TYW1B: variants seen among roughly 807,000 people sequenced by gnomAD.
TYW1B encodes the protein tRNA-yW synthesizing protein 1 homolog B, also known as S-adenosyl-L-methionine-dependent tRNA 4-demethylwyosine synthase TYW1B.
A neutral mutation model predicts 86.9 loss-of-function variants in TYW1B; 73 were observed. The ratio of observed to expected loss-of-function variants is 0.84; its 90% CI spans 0.70 to 1.02. The LOEUF is 1.02. TYW1B is among the 50% of genes least tolerant of loss of function. The pLI is 0.00. For synonymous variants in TYW1B, 248 were observed against 292.8 expected, an observed-to-expected ratio of 0.85 and a Z score of 1.56; for missense variants, 637 against 827.4, an observed-to-expected ratio of 0.77 and a Z score of 2.82.
chr7:72,796,757 C>A (rs1295314424), intron 6 of TYW1B, among the ~76,000 whole-genome samples: 1 of 150,362 alleles, frequency 6.7e-6, no homozygotes, highest in Non-Finnish European at 1.5e-5. Flanking sequence ...AGCCCTTTAT[C>A]ATAAGGAATG....
intron 8 of TYW1B, among the ~76,000 whole-genome samples, chr7:72,739,645 G>A (rs1304954348): frequency 7.4e-5 from 11 of 149,488 alleles, no homozygotes; most frequent in African/African-American, 2.7e-4. Flanking sequence ...GTTAACAAAG[G>A]TCTCAGTAGG....
At chr7:72,685,223 A>G (rs1375675529) in intron 11 of TYW1B, among the ~76,000 whole-genome samples, 1 of 152,164 alleles carries the variant, frequency 6.6e-6, no homozygotes, top group Non-Finnish European at 1.5e-5. Context: ...GTAGACCTAT[A>G]TTACAAACTC....
chr7:72,680,313 A>C lies in TYW1B; in HGVS notation c.1506+14374T>G, dbSNP rs369995485. Reference sequence around the variant, plus strand: ...CCCTCAGTCTGGGTGGGCACCATCTAATCAGCTGCCAGTGCAGCCGGAATA... The same window carrying C: ...CCCTCAGTCTGGGTGGGCACCATCTCATCAGCTGCCAGTGCAGCCGGAATA... On this transcript the variant is annotated intron_variant, in intron 11 of 13. Coordinates refer to ENST00000620995, the MANE Select transcript of TYW1B (RefSeq NM_001145440.3). 4.2e-4 allele frequency among the ~76,000 whole-genome samples: 64 copies of C among 152,276 alleles called. 2 individuals carry two copies. The South Asian group carries it at 0.013, about 32-fold the overall frequency.
At chr7:72,766,095 G>A (rs193109684) in intron 7 of TYW1B, among the ~76,000 whole-genome samples, 119 of 152,262 alleles carry the variant, frequency 7.8e-4, no homozygotes, top group African/African-American at 2.5e-3. Flanking sequence ...AAATGTCTGC[G>A]TTATTTCTAA....
chr7:72,602,393 T>C (rs1811686941), intron 13 of TYW1B, among the ~76,000 whole-genome samples: 1 of 152,122 alleles, frequency 6.6e-6, no homozygotes, highest in African/African-American at 2.4e-5. Context: ...GGGGATGGAT[T>C]AGAGACATCG....
intron 11 of TYW1B, among the ~76,000 whole-genome samples, chr7:72,690,539 T>C (rs1814123064): frequency 6.6e-6 from 1 of 152,222 alleles, no homozygotes; most frequent in Non-Finnish European, 1.5e-5. Flanking sequence ...TGGGTAGTAC[T>C]AGATCAGAAA....
At chr7:72,678,939 A>C (rs1813804968) in intron 11 of TYW1B, among the ~76,000 whole-genome samples, 1 of 151,124 alleles carries the variant, frequency 6.6e-6, no homozygotes, top group Non-Finnish European at 1.5e-5. Flanking sequence ...GTACAAGTTA[A>C]AGAATCAAAA....
intron 12 of TYW1B, among the ~76,000 whole-genome samples, chr7:72,618,154 A>G (rs1300808054): frequency 6.6e-6 from 1 of 151,662 alleles, no homozygotes; most frequent in African/African-American, 2.4e-5. Flanking sequence ...ACACACACAA[A>G]CACACACAAA....
intron 6 of TYW1B, among the ~76,000 whole-genome samples, chr7:72,786,346 G>T (rs1788128929): frequency 6.6e-6 from 1 of 151,952 alleles, no homozygotes; most frequent in South Asian, 2.1e-4. Context: ...TTTTATGAGA[G>T]ATTTTTATGA....
intron 11 of TYW1B, among the ~76,000 whole-genome samples, chr7:72,656,337 T>G (rs111949864): frequency 0.013 from 1,935 of 151,954 alleles, 41 homozygotes; most frequent in African/African-American, 0.042. Flanking sequence ...ATCCATAAAA[T>G]TGGAAGAAGG....
At chr7:72,813,134 C>T (rs1241142162) in intron 3 of TYW1B, among the ~76,000 whole-genome samples, 3 of 150,546 alleles carry the variant, frequency 2.0e-5, no homozygotes, top group Admixed American at 1.3e-4. Context: ...TGGCCCTTTA[C>T]GTGAAAGTTT....
chr7:72,710,554 G>A (rs1156368054), intron 10 of TYW1B, among the ~76,000 whole-genome samples: 1 of 152,220 alleles, frequency 6.6e-6, no homozygotes, highest in Admixed American at 6.5e-5. Flanking sequence ...GCCTGGGCTC[G>A]GTGGCTCACG....
At chr7:72,669,974 A>AATAAATAC (rs1255441252) in intron 11 of TYW1B, among the ~76,000 whole-genome samples, 253 of 123,120 alleles carry the variant, frequency 2.1e-3, no homozygotes, top group African/African-American at 6.6e-3. Flanking sequence ...TAAATAAATA[A>AATAAATAC]ATAAAGATTA....
intron 13 of TYW1B, 142 bp from the exon 14 acceptor site, chr7:72,575,861 C>T: frequency 1.5e-6 from 2 of 1,340,722 alleles, no homozygotes; most frequent in Non-Finnish European, 1.0e-6. Context: ...CACAAAAAAA[C>T]CTCTTCCATG....
chr7:72,609,754 T>C (rs781131583), intron 13 of TYW1B, among the ~76,000 whole-genome samples: 2 of 152,104 alleles, frequency 1.3e-5, no homozygotes, highest in Non-Finnish European at 1.5e-5. Flanking sequence ...TTCATTTCTT[T>C]CACTAGACAC....
intron 11 of TYW1B, among the ~76,000 whole-genome samples, chr7:72,692,873 G>T (rs1413397528): frequency 6.6e-6 from 1 of 152,144 alleles, no homozygotes; most frequent in East Asian, 1.9e-4. Context: ...AACGTAAGCA[G>T]GGAAGCATGG....
chr7:72,818,849 G>T (rs1348977327), intron 2 of TYW1B, among the ~76,000 whole-genome samples: 1 of 151,976 alleles, frequency 6.6e-6, no homozygotes, highest in Non-Finnish European at 1.5e-5. Context: ...CTGTCACGAG[G>T]ACGGTACAAG....
At chr7:72,630,516 A>C (rs10247834) in intron 11 of TYW1B, among the ~76,000 whole-genome samples, 3 of 151,956 alleles carry the variant, frequency 2.0e-5, no homozygotes, top group African/African-American at 7.2e-5. Flanking sequence ...AAAAAAAAAA[A>C]CAGTAAAGTG....
chr7:72,747,435 A>G (rs1787415070), intron 7 of TYW1B, among the ~76,000 whole-genome samples: 2 of 152,208 alleles, frequency 1.3e-5, no homozygotes, highest in African/African-American at 4.8e-5. Context: ...CAGCAGCATG[A>G]AAACGGACTA....
Sources: allele counts gnomAD v4.1 joint callset (sites outside exome capture counted in the v4.1 genomes callset), GRCh38; gene constraint gnomAD v4.1.1; transcripts MANE v1.5; gene names NCBI Gene and HGNC (gene_info 2026-07-23, HGNC 2026-07-21).